The following RABGAP1L variants were observed in gnomAD, a reference collection of about 807,000 sequenced individuals.
The protein encoded by RABGAP1L is RAB GTPase activating protein 1 like, also known as rab GTPase-activating protein 1-like.
A neutral mutation model predicts 137.7 loss-of-function variants in RABGAP1L; 63 were observed. The observed-to-expected ratio is 0.46, with a 90% CI of 0.37 to 0.56. The LOEUF (loss-of-function observed/expected upper bound fraction) is 0.56, where lower values mean the gene tolerates loss of function less well. Ranked by LOEUF, RABGAP1L falls within the 20% of genes least tolerant of loss-of-function variation. RABGAP1L has a pLI of 0.00. For synonymous variants in RABGAP1L, 431 were observed against 433.7 expected (o/e 0.99, Z 0.08); for missense variants, 1,095 against 1,244.0 (o/e 0.88, Z 1.80).
At chr1:174,808,209 A>T (rs1023901383) in intron 18 of RABGAP1L, among the ~76,000 whole-genome samples, 1 of 151,540 alleles carries the variant, frequency 6.6e-6, no homozygotes, top group African/African-American at 2.4e-5. Flanking sequence ...GGATGGTCTC[A>T]ATCTCCTGAT....
intron 13 of RABGAP1L, among the ~76,000 whole-genome samples, chr1:174,634,853 A>T (rs958586698): frequency 7.4e-6 from 1 of 135,834 alleles, no homozygotes; most frequent in Non-Finnish European, 1.6e-5. Context: ...TGGACACAGG[A>T]AGGGGAATAT....
intron 13 of RABGAP1L, among the ~76,000 whole-genome samples, chr1:174,450,849 A>G (rs1402459488): frequency 6.6e-6 from 1 of 152,186 alleles, no homozygotes; most frequent in East Asian, 1.9e-4. Context: ...TATGAAATGC[A>G]TTTAATAAAA....
At chr1:174,241,428 G>A in intron 4 of RABGAP1L, 55 bp from the exon 5 acceptor site, 3 of 1,203,540 alleles carry the variant, frequency 2.5e-6, no homozygotes, top group Non-Finnish European at 3.4e-6. Flanking sequence ...CTGGAAATAT[G>A]TCTTTGTTCT....
intron 6 of RABGAP1L, among the ~76,000 whole-genome samples, chr1:174,251,071 G>T (rs1672674209): frequency 6.6e-6 from 1 of 152,202 alleles, no homozygotes; most frequent in African/African-American, 2.4e-5. Flanking sequence ...AAAGTGCTGG[G>T]ATTATAAGTG....
At chr1:174,551,762 A>G (rs1666562757) in intron 13 of RABGAP1L, among the ~76,000 whole-genome samples, 1 of 152,014 alleles carries the variant, frequency 6.6e-6, no homozygotes, top group Non-Finnish European at 1.5e-5. Flanking sequence ...TTTTGGAAAA[A>G]AAAATTAATA....
At chr1:174,827,460 G>A (rs1314123744) in intron 19 of RABGAP1L, among the ~76,000 whole-genome samples, 4 of 149,410 alleles carry the variant, frequency 2.7e-5, no homozygotes, top group Non-Finnish European at 6.0e-5. Flanking sequence ...ATTAATTGGG[G>A]GGGCACAATT....
In RABGAP1L at chr1:174,664,730, C is replaced by CTTTTTTTTTTTTTTTTTTTTTTTTTTTT. The variant is rs747671420; in HGVS notation, c.1825-18789_1825-18788insTTTTTTTTTTTTTTTTTTTTTTTTTTTT. Among the ~76,000 whole-genome samples the CTTTTTTTTTTTTTTTTTTTTTTTTTTTT allele has an allele frequency of 1.3e-4, 13 of 98,898 alleles. 1 individual carries two copies. Among genetic ancestry groups the CTTTTTTTTTTTTTTTTTTTTTTTTTTTT allele is most frequent in the African/African-American group, 5.1e-4 (8 of 15,668 alleles). The allele number at this position is 98,898 out of a possible 152,430, so 64.9% of individuals were successfully genotyped here. On this transcript the variant is annotated intron_variant, in intron 14 of 25. Coordinates refer to ENST00000681986, the MANE Select transcript of RABGAP1L (RefSeq NM_001366446.1). ...CTCTCTCTTTCTTTCTTTCTTTCTG[C>CTTTTTTTTTTTTTTTTTTTTTTTTTTTT]TTTCTTTTTTTTTTTTTTTTTTTTT...
rs1483779366 is a variant in RABGAP1L, at chr1:174,276,682, T to C, written c.1156+747T>C. Among the ~76,000 whole-genome samples the C allele has an allele frequency of 2.6e-5, 4 of 152,146 alleles. No individual in the cohort carries two copies. The East Asian group carries it at 7.7e-4, about 29-fold the overall frequency. On this transcript the variant is annotated intron_variant, in intron 9 of 25. Transcript: ENST00000681986. Reference sequence around the variant, plus strand: ...AGTCTTTTGGCCTTCGGGATGCTTGTAATATATATTAAATATTTCAGTTGT... The same window carrying C: ...AGTCTTTTGGCCTTCGGGATGCTTGCAATATATATTAAATATTTCAGTTGT...
At chr1:174,250,224 A>G (rs1672609460) in intron 5 of RABGAP1L, among the ~76,000 whole-genome samples, 1 of 152,078 alleles carries the variant, frequency 6.6e-6, no homozygotes, top group Non-Finnish European at 1.5e-5. Context: ...TTAGGTTGTA[A>G]TAATTTAGAG....
At chr1:174,602,616 A>G (rs1390825145) in intron 13 of RABGAP1L, among the ~76,000 whole-genome samples, 2 of 152,150 alleles carry the variant, frequency 1.3e-5, no homozygotes, top group Non-Finnish European at 2.9e-5. Flanking sequence ...TCTTGTAGGC[A>G]TGCTCCATTG....
At chr1:174,530,953 A>ATCTC (rs545698927) in intron 13 of RABGAP1L, among the ~76,000 whole-genome samples, 6 of 152,286 alleles carry the variant, frequency 3.9e-5, no homozygotes, top group Non-Finnish European at 5.9e-5. Flanking sequence ...AGTTGAGCAT[A>ATCTC]TCTCTAGAAA....
At chr1:174,407,870 A>T (rs1440851106) in intron 13 of RABGAP1L, among the ~76,000 whole-genome samples, 1 of 152,166 alleles carries the variant, frequency 6.6e-6, no homozygotes, top group South Asian at 2.1e-4. Context: ...AACCATGATC[A>T]CTTTTTACAA....
chr1:174,384,556 C>T (rs995227342), intron 12 of RABGAP1L, among the ~76,000 whole-genome samples: 2 of 151,774 alleles, frequency 1.3e-5, no homozygotes, highest in East Asian at 1.9e-4. Flanking sequence ...ATGTCTTATA[C>T]ATAGATGGCT....
In RABGAP1L at chr1:174,250,468, CT is replaced by C; in HGVS notation, c.718-3del. On this transcript the variant is annotated splice_region_variant and splice_polypyrimidine_tract_variant and intron_variant, in intron 5 of 25. Coordinates refer to ENST00000681986, the MANE Select transcript of RABGAP1L (RefSeq NM_001366446.1). ...GCCTAATGGTATTTCCTTTTTTATT[CT>C]TTTAGGTAAGCAGAATTTTGTACAG... The C allele has an allele frequency of 6.3e-7, 1 of 1,595,828 alleles. No homozygotes were observed. Among genetic ancestry groups the C allele is most frequent in the Non-Finnish European group, 8.6e-7 (1 of 1,169,472 alleles).
At chr1:174,564,326 C>T (rs777939493) in intron 13 of RABGAP1L, among the ~76,000 whole-genome samples, 1 of 152,078 alleles carries the variant, frequency 6.6e-6, no homozygotes, top group Non-Finnish European at 1.5e-5. Context: ...TATGATTGAT[C>T]AGCTTGCAAC....
chr1:174,351,420 T>C lies in RABGAP1L; in HGVS notation c.1466-19559T>C, dbSNP rs111841137. On this transcript the variant is annotated intron_variant, in intron 11 of 25. Coordinates refer to ENST00000681986, the MANE Select transcript of RABGAP1L (RefSeq NM_001366446.1). ...GCAAGACTTTATTTCTGCTTCATGT[T>C]GGAAGGCTATTTTCACTGAATATAC... is the stretch of plus-strand genomic sequence containing the variant. 7.1e-3 allele frequency among the ~76,000 whole-genome samples: 1,080 copies of C among 152,324 alleles called. 19 individuals are homozygous for C. Among genetic ancestry groups the C allele is most frequent in the African/African-American group, 0.024 (1,001 of 41,576 alleles).
chr1:174,243,055 C>T (rs866229361), intron 5 of RABGAP1L: 40 of 152,076 alleles, frequency 2.6e-4, no homozygotes, highest in Admixed American at 1.8e-3. Context: ...GTGTGATTTC[C>T]GAATCACTGG....
rs1179224540 is a variant in RABGAP1L, at chr1:174,420,740, G to T, written c.1710+26595G>T. ...CCCAGGCTGGAGTGCAGTGGCGTAA[G>T]CTCGGCTCACTGCAAGCTCCACCTC... On this transcript the variant is annotated intron_variant, in intron 13 of 25. Coordinates refer to ENST00000681986, the MANE Select transcript of RABGAP1L (RefSeq NM_001366446.1). Among the ~76,000 whole-genome samples the T allele has an allele frequency of 1.9e-4, 28 of 147,760 alleles. No homozygotes were observed. In the South Asian group the frequency reaches 2.4e-3, roughly 12 times the overall value.
intron 13 of RABGAP1L, among the ~76,000 whole-genome samples, chr1:174,596,912 A>T (rs1024505035): frequency 8.5e-5 from 13 of 152,050 alleles, no homozygotes; most frequent in African/African-American, 2.9e-4. Context: ...AGGTTTTTTT[A>T]AATTTAATCA....
Sources: gnomAD v4.1 joint callset for allele counts (sites outside exome capture counted in the v4.1 genomes callset) on GRCh38, gnomAD v4.1.1 for gene constraint, MANE v1.5 for transcripts, NCBI Gene and HGNC (gene_info 2026-07-23, HGNC 2026-07-21) for gene names.